The following PSMD12 variants were observed in gnomAD, a reference collection of about 807,000 sequenced individuals.
PSMD12 encodes the protein 26S proteasome non-ATPase regulatory subunit 12.
In PSMD12, 8 loss-of-function variants were observed where a neutral mutation model predicts 62.9. The observed-to-expected ratio is 0.13, with a 90% confidence interval of 0.07 to 0.23. The LOEUF (loss-of-function observed/expected upper bound fraction) is 0.23, where lower values mean the gene tolerates loss of function less well. Ranked by LOEUF, PSMD12 falls within the 10% of genes least tolerant of loss-of-function variation. The pLI, the probability that PSMD12 is intolerant of heterozygous loss-of-function variation, is 1.00. For synonymous variants in PSMD12, 173 were observed against 187.4 expected (o/e 0.92, Z 0.63); for missense variants, 424 against 550.2 (o/e 0.77, Z 2.29).
chr17:67,342,388 G>T, intron 9 of PSMD12, 125 bp from the exon 10 acceptor site: 1 of 633,970 alleles, frequency 1.6e-6, no homozygotes. Context: ...TTTTTCTACA[G>T]TCCATCACTG....
At chr17:67,364,036 C>T (rs2042157880) in intron 1 of PSMD12, among the ~76,000 whole-genome samples, 1 of 151,128 alleles carries the variant, frequency 6.6e-6, no homozygotes, top group Non-Finnish European at 1.5e-5. Context: ...GCAACAAGAG[C>T]GAAACTCTGT....
intron 9 of PSMD12, among the ~76,000 whole-genome samples, chr17:67,343,760 T>C (rs1173865018): frequency 2.0e-5 from 3 of 152,218 alleles, no homozygotes; most frequent in Admixed American, 6.5e-5. Flanking sequence ...CTGGAGTGCA[T>C]TGGTGTGATC....
At position 67,340,851 on chromosome 17, in the gene PSMD12, G is replaced by C; in HGVS notation, c.1363C>G (p.Leu455Val). Residue 455 changes from leucine (L) to valine (V), a missense_variant, in exon 11 of 11, where the codon CTA (leucine) becomes GTA (valine). Coordinates refer to ENST00000356126, the MANE Select transcript of PSMD12 (RefSeq NM_002816.5). ...CTAAAGCACTAAGACCCTTATTGTA[G>C]ATTATGTATCATCTCCTCTTTGGCT... Reference protein sequence around the residue: ...LIAKEEMIHNLQ With the variant: ...LIAKEEMIHNVQ 1 of 1,572,556 alleles carries C rather than the reference G, an allele frequency of 6.4e-7. No individual in the cohort carries two copies. The highest frequency in any genetic ancestry group is 8.6e-7 in the Non-Finnish European group (1 of 1,165,058).
chr17:67,351,984 C>A (rs2042022818), intron 3 of PSMD12, among the ~76,000 whole-genome samples: 1 of 151,246 alleles, frequency 6.6e-6, no homozygotes, highest in African/African-American at 2.4e-5. Context: ...GTAGTCCCAG[C>A]TACTCAGGAG....
intron 1 of PSMD12, chr17:67,361,357 A>G (rs1437894105): frequency 6.6e-6 from 1 of 152,164 alleles, no homozygotes; most frequent in Non-Finnish European, 1.5e-5. Flanking sequence ...CAAGACGGGC[A>G]GATCACTTGA....
intron 1 of PSMD12, among the ~76,000 whole-genome samples, chr17:67,357,847 T>C (rs2042090022): frequency 1.3e-5 from 2 of 152,276 alleles, no homozygotes; most frequent in Non-Finnish European, 2.9e-5. Flanking sequence ...ATAACAATCA[T>C]GTAACACCTA....
At chr17:67,349,465 T>A (rs2041998595) in intron 4 of PSMD12, among the ~76,000 whole-genome samples, 1 of 152,224 alleles carries the variant, frequency 6.6e-6, no homozygotes. Context: ...TAAAACCTTA[T>A]CCATATTTTG....
At chr17:67,347,781 A>T (rs1461058942) in intron 5 of PSMD12, among the ~76,000 whole-genome samples, 1 of 152,188 alleles carries the variant, frequency 6.6e-6, no homozygotes, top group African/African-American at 2.4e-5. Flanking sequence ...CTGTCCCTTT[A>T]TAATCACACA....
Position 67,338,578 on chromosome 17 carries a change from G to C in PSMD12, c.*2265C>G, listed in dbSNP as rs2041880932. The C allele has an allele frequency of 1.3e-5, 2 of 152,294 alleles. No individual in the cohort carries two copies. Among genetic ancestry groups the C allele is most frequent in the South Asian group, 4.1e-4 (2 of 4,834 alleles). 9.4% of individuals were successfully genotyped at this position (152,294 alleles called of 1,614,324 possible). A position where few individuals can be genotyped will look rare whatever the true frequency, so the allele number is the denominator to read the frequency against. ...TAAAGAAAGACGAAAGAGGAGTTGG[G>C]TGCAGTGGCTCATGCCTGTAATCCC... On this transcript the variant is annotated 3_prime_UTR_variant, in exon 11 of 11. Coordinates refer to ENST00000356126, the MANE Select transcript of PSMD12 (RefSeq NM_002816.5).
At chr17:67,350,428 G>GGAAGACCAAGTTCGA in intron 3 of PSMD12, 92 bp from the exon 4 acceptor site, 1 of 852,074 alleles carries the variant, frequency 1.2e-6, no homozygotes, top group Non-Finnish European at 1.7e-6. Context: ...ATCGAACTTG[G>GGAAGACCAAGTTCGA]TCTTCCCAAG....
rs1317004344 is a variant in PSMD12 at position 67,350,141 on chromosome 17, A to G, written c.405+88T>C. On this transcript the variant is annotated intron_variant, in intron 4 of 10. Transcript: ENST00000356126. ...ATTTCTTTAAAAAATAAACATAAAA[A>G]TATACAAAATATCTACATACATTAA... 3 of 774,490 alleles carry G rather than the reference A, an allele frequency of 3.9e-6. No individual in the cohort carries two copies. In the African/African-American group the frequency reaches 5.4e-5, roughly 14 times the overall value. 48.0% of individuals were successfully genotyped at this position (774,490 alleles called of 1,614,324 possible).
chr17:67,340,029 TTATAA>T lies in PSMD12; in HGVS notation c.*809_*813del, dbSNP rs2041896860. 3 of 146,880 alleles carry T rather than the reference TTATAA, an allele frequency of 2.0e-5. No homozygotes were observed. The highest frequency in any genetic ancestry group is 4.5e-5 in the Non-Finnish European group (3 of 67,078). The allele number at this position is 146,880 out of a possible 1,614,324, so 9.1% of individuals were successfully genotyped here. ...TACAAGTTAAAGCCACAAATAAGCC[TTATAA>T]AAACAACTTTATGTTAAATTTAAAC... is the stretch of plus-strand genomic sequence containing the variant. On this transcript the variant is annotated 3_prime_UTR_variant, in exon 11 of 11. Coordinates refer to ENST00000356126, the MANE Select transcript of PSMD12 (RefSeq NM_002816.5).
At chr17:67,346,747 A>G (rs1268417674) in intron 7 of PSMD12, among the ~76,000 whole-genome samples, 1 of 152,200 alleles carries the variant, frequency 6.6e-6, no homozygotes, top group Non-Finnish European at 1.5e-5. Flanking sequence ...TTTTTGACAA[A>G]TGTATAAAGA....
rs550013841 is a variant in PSMD12, at chr17:67,365,718, G to A, written c.108+694C>T. Among the ~76,000 whole-genome samples the A allele has an allele frequency of 7.9e-5, 12 of 152,144 alleles. No homozygotes were observed. The South Asian group carries it at 1.9e-3, about 24-fold the overall frequency. ...GTGCCTACTTGTCTTTACTTCTGTA[G>A]TTCCGTCTTCAGTAATGACTCCACC... On this transcript the variant is annotated intron_variant, in intron 1 of 10. Transcript: ENST00000356126.
At chr17:67,348,466 A>G (rs2041988471) in intron 5 of PSMD12, 84 bp downstream of exon 5, 1 of 1,092,752 alleles carries the variant, frequency 9.2e-7, no homozygotes, top group Non-Finnish European at 1.4e-6. Context: ...AACATTTTGG[A>G]TAAGGGATAC....
At chr17:67,355,135 C>T (rs1301412113) in intron 3 of PSMD12, among the ~76,000 whole-genome samples, 1 of 147,826 alleles carries the variant, frequency 6.8e-6, no homozygotes, top group Non-Finnish European at 1.5e-5. Flanking sequence ...TCCTGTTGCC[C>T]AGGCTGCAAA....
rs1337760542 is a variant in PSMD12, at chr17:67,347,141, T to G, written c.770A>C (p.Gln257Pro). Residue 257 changes from glutamine to proline, a missense_variant, in exon 7 of 11, where the codon CAG (glutamine) becomes CCG (proline). By Grantham distance (76) the Gln-to-Pro change is moderately conservative (BLOSUM62 -1). Coordinates refer to ENST00000356126, the MANE Select transcript of PSMD12 (RefSeq NM_002816.5). Reference sequence around the variant, plus strand: ...CTGCTGCCATTTTTCACTTTCTGCCTGTATACAGGGAGTATCATATATTGC... The same window carrying G: ...CTGCTGCCATTTTTCACTTTCTGCCGGTATACAGGGAGTATCATATATTGC... Reference protein sequence around the residue: ...YRAIYDTPCIQAESEKWQQAL... With the variant: ...YRAIYDTPCIPAESEKWQQAL... 6.2e-7 allele frequency: 1 copy of G among 1,604,278 alleles called. No individual in the cohort carries two copies. Among genetic ancestry groups the G allele is most frequent in the Non-Finnish European group, 8.5e-7 (1 of 1,174,416 alleles).
At chr17:67,361,074 A>G (rs2042123972) in intron 1 of PSMD12, 1 of 152,210 alleles carries the variant, frequency 6.6e-6, no homozygotes, top group South Asian at 2.1e-4. Flanking sequence ...ACAAATGGTT[A>G]GAAAGCTATC....
At chr17:67,343,422 CT>C (rs1213316306) in intron 9 of PSMD12, among the ~76,000 whole-genome samples, 3 of 152,086 alleles carry the variant, frequency 2.0e-5, no homozygotes, top group Non-Finnish European at 4.4e-5. Flanking sequence ...CTCTAGTCTC[CT>C]ATCTCTCCAA....
Sources: allele counts gnomAD v4.1 joint callset (sites outside exome capture counted in the v4.1 genomes callset), GRCh38; gene constraint gnomAD v4.1.1; transcripts MANE v1.5; gene names NCBI Gene and HGNC (gene_info 2026-07-23, HGNC 2026-07-21).